Variants in ME1 observed in about 807,000 individuals in gnomAD.
The protein encoded by ME1 is malic enzyme 1, also known as NADP-dependent malic enzyme.
Under a neutral mutation model 66.4 loss-of-function variants are expected in ME1, and 74 were observed. The observed-to-expected ratio is 1.11, with a 90% CI of 0.92 to 1.35. ME1 has a LOEUF of 1.35. ME1 is among the 40% of genes most tolerant of loss of function. The probability of loss-of-function intolerance (pLI) is 0.00; values close to 1 mark genes in which losing one functional copy is unlikely to be tolerated. For synonymous variants in ME1, 251 were observed against 235.6 expected (o/e 1.07, Z -0.60); for missense variants, 750 against 694.1 (o/e 1.08, Z -0.90).
chr6:83,269,026 T>C (rs1422636593), intron 6 of ME1, among the ~76,000 whole-genome samples: 1 of 152,134 alleles, frequency 6.6e-6, no homozygotes, highest in Non-Finnish European at 1.5e-5. Context: ...GTAAGCTTGG[T>C]GGTATATTAA....
At chr6:83,302,824 G>A (rs1767752079) in intron 6 of ME1, among the ~76,000 whole-genome samples, 1 of 152,150 alleles carries the variant, frequency 6.6e-6, no homozygotes, top group African/African-American at 2.4e-5. Flanking sequence ...GAGGGGTGGA[G>A]GATGGCAGAC....
chr6:83,387,912 C>G (rs763631315), intron 3 of ME1, among the ~76,000 whole-genome samples: 10 of 152,060 alleles, frequency 6.6e-5, no homozygotes, highest in Admixed American at 5.2e-4. Flanking sequence ...TATTAATATG[C>G]AAGTTAAAAT....
intron 4 of ME1, among the ~76,000 whole-genome samples, chr6:83,348,762 C>T (rs894443117): frequency 3.3e-5 from 5 of 151,034 alleles, no homozygotes; most frequent in Non-Finnish European, 4.4e-5. Context: ...CCGAGATGGG[C>T]GGATCACCTG....
At chr6:83,425,525 G>A (rs1379156983) in intron 1 of ME1, among the ~76,000 whole-genome samples, 5 of 152,012 alleles carry the variant, frequency 3.3e-5, no homozygotes, top group Non-Finnish European at 5.9e-5. Context: ...GCAAAAGGGG[G>A]GAAAGCCCCT....
At chr6:83,276,331 G>A (rs574889892) in intron 6 of ME1, among the ~76,000 whole-genome samples, 49 of 152,292 alleles carry the variant, frequency 3.2e-4, no homozygotes, top group Non-Finnish European at 6.2e-4. Flanking sequence ...AAGCTAGCTG[G>A]TGAACTGCTG....
chr6:83,384,074 G>C (rs1769456824), intron 3 of ME1, among the ~76,000 whole-genome samples: 2 of 151,766 alleles, frequency 1.3e-5, no homozygotes, highest in East Asian at 1.9e-4. Context: ...ATCCACTGCT[G>C]GTGGGCATCT....
chr6:83,221,380 A>G (rs920915974), intron 12 of ME1, among the ~76,000 whole-genome samples: 1 of 152,222 alleles, frequency 6.6e-6, no homozygotes, highest in Non-Finnish European at 1.5e-5. Flanking sequence ...AGAAGCTTAG[A>G]TCATTGGAGA....
At chr6:83,361,978 T>C (rs984006922) in intron 3 of ME1, among the ~76,000 whole-genome samples, 3 of 151,884 alleles carry the variant, frequency 2.0e-5, no homozygotes, top group African/African-American at 7.3e-5. Flanking sequence ...TCATGAGGAG[T>C]TCCCTATGAT....
chr6:83,310,183 G>A (rs1038904081), intron 6 of ME1, among the ~76,000 whole-genome samples: 12 of 152,038 alleles, frequency 7.9e-5, no homozygotes, highest in African/African-American at 2.2e-4. Flanking sequence ...GCAAAGAGTC[G>A]TTTCACCACA....
At chr6:83,352,363 G>GT (rs899551688) in intron 3 of ME1, among the ~76,000 whole-genome samples, 9 of 141,640 alleles carry the variant, frequency 6.4e-5, no homozygotes, top group African/African-American at 2.2e-4. Flanking sequence ...AGGGAGATTT[G>GT]TTCTCTTAGA....
chr6:83,381,969 GC>G (rs1252645707), intron 3 of ME1, among the ~76,000 whole-genome samples: 3 of 151,918 alleles, frequency 2.0e-5, no homozygotes, highest in African/African-American at 7.3e-5. Context: ...TTCATCTCAT[GC>G]CACCTCCCCA....
chr6:83,404,222 A>T (rs978827462), intron 2 of ME1, among the ~76,000 whole-genome samples: 4 of 151,830 alleles, frequency 2.6e-5, no homozygotes, highest in Non-Finnish European at 5.9e-5. Flanking sequence ...ATGGTATTTC[A>T]TTGCGGTTTT....
At chr6:83,248,007 C>T (rs999943446) in intron 7 of ME1, among the ~76,000 whole-genome samples, 1 of 152,056 alleles carries the variant, frequency 6.6e-6, no homozygotes, top group African/African-American at 2.4e-5. Flanking sequence ...GCATATTATG[C>T]TGTGGATCCT....
intron 5 of ME1, among the ~76,000 whole-genome samples, chr6:83,330,911 C>T (rs571886499): frequency 7.9e-4 from 120 of 152,232 alleles, no homozygotes; most frequent in Non-Finnish European, 1.2e-4. Context: ...TGAGAATTTT[C>T]TTCTCTCCCC....
chr6:83,244,098 C>A (rs181755742), intron 7 of ME1, among the ~76,000 whole-genome samples: 1 of 151,450 alleles, frequency 6.6e-6, no homozygotes, highest in Non-Finnish European at 1.5e-5. Flanking sequence ...ATACTCAATA[C>A]GGAGACCCTC....
At chr6:83,340,922 T>C (rs1768567654) in intron 5 of ME1, among the ~76,000 whole-genome samples, 1 of 152,158 alleles carries the variant, frequency 6.6e-6, no homozygotes, top group Non-Finnish European at 1.5e-5. Context: ...TTTCTATTTA[T>C]TCTGTGGATG....
intron 9 of ME1, 169 bp from the exon 10 acceptor site, chr6:83,229,100 T>G: frequency 1.6e-6 from 1 of 620,482 alleles, no homozygotes; most frequent in South Asian, 1.8e-5. Context: ...CATTCATTCG[T>G]TTAACAAATA....
At chr6:83,244,894 C>A (rs1374532908) in intron 7 of ME1, among the ~76,000 whole-genome samples, 1 of 151,926 alleles carries the variant, frequency 6.6e-6, no homozygotes, top group Non-Finnish European at 1.5e-5. Flanking sequence ...CATATACTTA[C>A]CTGAAAACAG....
intron 3 of ME1, among the ~76,000 whole-genome samples, chr6:83,371,334 A>G (rs1443697582): frequency 6.6e-6 from 1 of 152,148 alleles, no homozygotes; most frequent in Non-Finnish European, 1.5e-5. Context: ...GGAAGTCTAC[A>G]TTCTTGCAGA....
Sources: allele counts gnomAD v4.1 joint callset (sites outside exome capture counted in the v4.1 genomes callset), GRCh38; gene constraint gnomAD v4.1.1; transcripts MANE v1.5; gene names NCBI Gene and HGNC (gene_info 2026-07-23, HGNC 2026-07-21).